The following CELF2 variants were observed in gnomAD, a reference collection of about 807,000 sequenced individuals.
CELF2 encodes CUGBP Elav-like family member 2.
A neutral mutation model predicts 62.6 loss-of-function variants in CELF2; 8 were observed. The observed-to-expected ratio is 0.13, with a 90% CI of 0.07 to 0.23. CELF2 has a LOEUF of 0.23. Ranked by LOEUF, CELF2 falls within the 10% of genes least tolerant of loss-of-function variation. The pLI is 1.00. For synonymous variants in CELF2, 258 were observed against 250.0 expected (o/e 1.03, Z -0.30); for missense variants, 333 against 671.0 (o/e 0.50, Z 5.56).
At chr10:10,604,627 G>C in the CELF2 span, among the ~76,000 whole-genome samples, 1 of 152,136 alleles carries the variant, frequency 6.6e-6, no homozygotes, top group Admixed American at 6.5e-5. Context: ...CATAGATTTT[G>C]CTAGAATTAC....
chr10:11,142,501 A>G (rs2132294814), intron 1 of CELF2, among the ~76,000 whole-genome samples: 1 of 152,022 alleles, frequency 6.6e-6, no homozygotes. Context: ...TGGCTAACAC[A>G]GTGAAACCCC....
the CELF2 span, among the ~76,000 whole-genome samples, chr10:10,591,982 C>T: frequency 6.6e-6 from 1 of 151,886 alleles, no homozygotes; most frequent in African/African-American, 2.4e-5. Context: ...TTCACTCAGT[C>T]AGCAGTTTCT....
intron 1 of CELF2, among the ~76,000 whole-genome samples, chr10:10,821,485 C>G (rs144306594): frequency 7.6e-4 from 116 of 152,238 alleles, no homozygotes; most frequent in Admixed American, 6.0e-3. Context: ...TCATGTTCTC[C>G]TTGGAAGCCC....
chr10:10,952,310 AACTCTGAAAAGAGCCGG>A (rs1322244269), intron 2 of CELF2: 1 of 152,252 alleles, frequency 6.6e-6, no homozygotes, highest in Non-Finnish European at 1.5e-5. Flanking sequence ...GATCCAGACC[AACTCTGAAAAGAGCCGG>A]ACTCCCATGC....
At chr10:10,497,214 GAA>G in the CELF2 span, among the ~76,000 whole-genome samples, 1 of 143,180 alleles carries the variant, frequency 7.0e-6, no homozygotes, top group Admixed American at 7.0e-5. Flanking sequence ...AAGATAAAAA[GAA>G]AAAAAAAATG....
intron 1 of CELF2, among the ~76,000 whole-genome samples, chr10:10,865,757 AT>A (rs1479538892): frequency 7.2e-5 from 11 of 152,092 alleles, no homozygotes; most frequent in Non-Finnish European, 1.5e-4. Flanking sequence ...TTTTGTTACT[AT>A]TCAAAGCAAA....
At chr10:11,186,076 T>C (rs979076416) in intron 2 of CELF2, among the ~76,000 whole-genome samples, 9 of 152,202 alleles carry the variant, frequency 5.9e-5, no homozygotes, top group African/African-American at 2.2e-4. Context: ...TCAGATAATA[T>C]GTCCATTTAC....
At chr10:10,625,503 C>T in the CELF2 span, among the ~76,000 whole-genome samples, 8 of 151,704 alleles carry the variant, frequency 5.3e-5, no homozygotes, top group South Asian at 6.2e-4. Flanking sequence ...AAGCCTCATG[C>T]CCTGCTGGAT....
intron 1 of CELF2, among the ~76,000 whole-genome samples, chr10:10,886,798 T>C (rs968607745): frequency 2.0e-5 from 3 of 152,184 alleles, no homozygotes. Context: ...ATCACACCAC[T>C]GCACTCCAGC....
intron 2 of CELF2, among the ~76,000 whole-genome samples, chr10:11,197,342 C>T (rs1355028461): frequency 6.6e-6 from 1 of 152,112 alleles, no homozygotes; most frequent in Non-Finnish European, 1.5e-5. Context: ...CTTCTCCTGT[C>T]CATTCATATG....
chr10:11,103,748 G>A (rs1433099496), intron 1 of CELF2, among the ~76,000 whole-genome samples: 8 of 152,034 alleles, frequency 5.3e-5, no homozygotes, highest in South Asian at 4.2e-4. Flanking sequence ...TTACTGGTTC[G>A]TAGTAGAAGT....
intron 8 of CELF2, among the ~76,000 whole-genome samples, chr10:11,287,792 T>C (rs2091705135): frequency 6.6e-6 from 1 of 152,212 alleles, no homozygotes; most frequent in Admixed American, 6.5e-5. Context: ...CCAAAGTAAT[T>C]TGCTTTCATC....
At chr10:10,876,475 C>T (rs2061099909) in intron 1 of CELF2, among the ~76,000 whole-genome samples, 1 of 152,146 alleles carries the variant, frequency 6.6e-6, no homozygotes, top group Non-Finnish European at 1.5e-5. Context: ...TATACACCAT[C>T]CTTGCCTCTT....
chr10:10,764,141 G>A, the CELF2 span, among the ~76,000 whole-genome samples: 1 of 152,216 alleles, frequency 6.6e-6, no homozygotes, highest in Non-Finnish European at 1.5e-5. Context: ...GATGTCAGTA[G>A]GGATACTCTG....
the CELF2 span, among the ~76,000 whole-genome samples, chr10:10,665,520 A>T: frequency 6.6e-6 from 1 of 152,182 alleles, no homozygotes; most frequent in African/African-American, 2.4e-5. Context: ...AGGCTGCCTC[A>T]GAGACTCGTT....
chr10:11,121,858 G>C (rs2131494817), intron 1 of CELF2, among the ~76,000 whole-genome samples: 1 of 152,268 alleles, frequency 6.6e-6, no homozygotes, highest in South Asian at 2.1e-4. Context: ...TCAAAGAAAT[G>C]CTCTGATGAC....
chr10:10,835,198 G>C (rs1028633651), intron 1 of CELF2, among the ~76,000 whole-genome samples: 2 of 152,046 alleles, frequency 1.3e-5, no homozygotes, highest in Admixed American at 6.6e-5. Context: ...TGTCTTACAG[G>C]ATGGAGTGTG....
At chr10:10,745,594 A>G in the CELF2 span, among the ~76,000 whole-genome samples, 386 of 152,268 alleles carry the variant, frequency 2.5e-3, 3 homozygotes, top group African/African-American at 9.0e-3. Flanking sequence ...AAGAGTTAGT[A>G]TAATTTTAAA....
intron 1 of CELF2, among the ~76,000 whole-genome samples, chr10:10,894,459 C>T (rs899701781): frequency 6.6e-6 from 1 of 152,194 alleles, no homozygotes; most frequent in Non-Finnish European, 1.5e-5. Flanking sequence ...TGGCATTGTT[C>T]TGAAGTGGAT....
Sources: allele counts gnomAD v4.1 joint callset (sites outside exome capture counted in the v4.1 genomes callset), GRCh38; gene constraint gnomAD v4.1.1; transcripts MANE v1.5; gene names NCBI Gene and HGNC (gene_info 2026-07-23, HGNC 2026-07-21).